HTT: variants seen among roughly 807,000 people sequenced by gnomAD.
HTT encodes huntingtin.
A neutral mutation model predicts 362.3 loss-of-function variants in HTT; 104 were observed. The ratio of observed to expected loss-of-function variants is 0.29; its 90% CI spans 0.24 to 0.34. The LOEUF (loss-of-function observed/expected upper bound fraction) is 0.34. Ranked by LOEUF, HTT falls within the 10% of genes least tolerant of loss-of-function variation. HTT has a pLI of 1.00. For synonymous variants in HTT, 1,577 were observed against 1,548.7 expected, an observed-to-expected ratio of 1.02 and a Z score of -0.43; for missense variants, 3,301 against 3,928.6, an observed-to-expected ratio of 0.84 and a Z score of 4.27.
At chr4:3,120,169 TATA>T (rs1483837562) in intron 8 of HTT, among the ~76,000 whole-genome samples, 2 of 152,110 alleles carry the variant, frequency 1.3e-5, no homozygotes, top group Non-Finnish European at 2.9e-5. Context: ...ACATGTATTT[TATA>T]ATATTAAAGA....
intron 14 of HTT, 113 bp from the exon 15 acceptor site, chr4:3,131,173 C>A: frequency 1.3e-6 from 1 of 788,592 alleles, no homozygotes; most frequent in Non-Finnish European, 2.2e-6. Context: ...CAGGGCATCT[C>A]TTTATCCCCA....
At chr4:3,204,835 T>C (rs1578586393) in intron 42 of HTT, among the ~76,000 whole-genome samples, 2 of 151,856 alleles carry the variant, frequency 1.3e-5, no homozygotes, top group Non-Finnish European at 2.9e-5. Flanking sequence ...AAAGAAAAAT[T>C]AGCCTGGCGT....
intron 41 of HTT, among the ~76,000 whole-genome samples, chr4:3,203,636 C>G (rs928771501): frequency 3.9e-5 from 6 of 152,196 alleles, no homozygotes; most frequent in African/African-American, 1.4e-4. Flanking sequence ...TTCATTCTGG[C>G]AGTTGGCAAC....
At chr4:3,230,873 A>G (rs1721217008) in intron 60 of HTT, among the ~76,000 whole-genome samples, 1 of 152,202 alleles carries the variant, frequency 6.6e-6, no homozygotes, top group African/African-American at 2.4e-5. Context: ...GTGTCAGTGT[A>G]GGAGTTTCAG....
chr4:3,228,656 C>G lies in HTT; in HGVS notation c.7890C>G (p.Pro2630=). 6.2e-7 allele frequency: 1 copy of G among 1,607,896 alleles called. No individual in the cohort carries two copies. The highest frequency in any genetic ancestry group is 2.2e-5 in the East Asian group (1 of 44,838). ...HSVWLGNSIT[P]LREEEWDEEE... ...TGTGGCTGGGGAACAGCATCACACCCCTGAGGGAGGAGGAATGGGACGAGG... is the reference window on the plus strand; with the variant it reads ...TGTGGCTGGGGAACAGCATCACACCGCTGAGGGAGGAGGAATGGGACGAGG... Residue 2630 remains proline (P), a synonymous_variant, in exon 58 of 67, where the codon CCC becomes CCG. Coordinates refer to ENST00000355072, the MANE Select transcript of HTT (RefSeq NM_001388492.1). This position sits in a 1 kb window ranked among gnomAD's most constrained non-coding sequence, Gnocchi z 4.3.
intron 29 of HTT, 43 bp downstream of exon 29, chr4:3,160,435 T>C: frequency 7.9e-7 from 1 of 1,269,546 alleles, no homozygotes. Flanking sequence ...GCTGGCACAC[T>C]TGATGTGCGT....
chr4:3,222,333 C>A, intron 53 of HTT, 54 bp from the exon 54 acceptor site: 1 of 1,496,198 alleles, frequency 6.7e-7, no homozygotes, highest in South Asian at 1.1e-5. Context: ...GTCAGCTCTC[C>A]GTTACAGGCT....
At position 3,116,209 on chromosome 4, in the gene HTT, C is replaced by CG; in HGVS notation, c.1016dup (p.Val340SerfsTer20). ...AGGACACAAGCCTGAAAGGCAGCTT[C>CG]GGAGTGACAAGGAAAGAAATGGAAG... On this transcript the variant is annotated frameshift_variant, in exon 8 of 67. Transcript: ENST00000355072. LOFTEE classifies it high-confidence loss of function. The CG allele has an allele frequency of 6.2e-7, 1 of 1,613,978 alleles. No homozygotes were observed. The highest frequency in any genetic ancestry group is 8.5e-7 in the Non-Finnish European group (1 of 1,179,868).
intron 1 of HTT, among the ~76,000 whole-genome samples, chr4:3,080,118 G>A (rs1712812052): frequency 6.8e-6 from 1 of 146,314 alleles, no homozygotes; most frequent in African/African-American, 2.5e-5. Flanking sequence ...TTTTGAAACG[G>A]AGTTTCGCTC....
chr4:3,240,017 G>C lies in HTT; in HGVS notation c.9387G>C (p.Leu3129=). Residue 3129 remains leucine (L), a synonymous_variant, in exon 67 of 67, where the codon CTG becomes CTC. Transcript: ENST00000355072. ...CCCCAGGAAGCCCATATCACCGGCT[G>C]CTGACTTGTTTACGAAATGTCCACA... ...VAAPGSPYHR[L]LTCLRNVHKV... is the part of the protein sequence containing the mutation. The C allele has an allele frequency of 6.2e-7, 1 of 1,601,028 alleles. No homozygotes were observed. Among genetic ancestry groups the C allele is most frequent in the Non-Finnish European group, 8.5e-7 (1 of 1,173,414 alleles).
chr4:3,094,831 C>T (rs1481555866), intron 2 of HTT, among the ~76,000 whole-genome samples: 5 of 150,792 alleles, frequency 3.3e-5, no homozygotes, highest in Non-Finnish European at 7.4e-5. Flanking sequence ...GTCAGAGACG[C>T]TCCTCACCTC....
chr4:3,110,826 AG>A (rs914857200), intron 6 of HTT, among the ~76,000 whole-genome samples: 10 of 151,982 alleles, frequency 6.6e-5, no homozygotes, highest in African/African-American at 9.7e-5. Context: ...ACATCCCTTC[AG>A]TTCTGGGAAA....
chr4:3,209,010 A>G, intron 46 of HTT, 99 bp downstream of exon 46: 1 of 1,325,988 alleles, frequency 7.5e-7, no homozygotes, highest in Middle Eastern at 2.3e-4. Flanking sequence ...CGTGGACCCA[A>G]GGAGTTCTGG....
chr4:3,229,652 C>T (rs1464465596), intron 59 of HTT, among the ~76,000 whole-genome samples: 1 of 152,044 alleles, frequency 6.6e-6, no homozygotes, highest in African/African-American at 2.4e-5. Context: ...CGCACACACA[C>T]ACCACATACG....
intron 11 of HTT, 126 bp from the exon 12 acceptor site, chr4:3,127,138 T>A: frequency 1.5e-6 from 1 of 688,598 alleles, no homozygotes; most frequent in Non-Finnish European, 2.6e-6. Context: ...CATTTCAGCA[T>A]CTTCAGGATG....
At chr4:3,135,790 G>A in intron 19 of HTT, 114 bp from the exon 20 acceptor site, 1 of 638,096 alleles carries the variant, frequency 1.6e-6, no homozygotes, top group Non-Finnish European at 2.6e-6. Flanking sequence ...TTTTGAGTAA[G>A]TGCTGCCCAA....
chr4:3,079,198 T>C (rs1712751597), intron 1 of HTT, among the ~76,000 whole-genome samples: 1 of 150,922 alleles, frequency 6.6e-6, no homozygotes, highest in African/African-American at 2.4e-5. Flanking sequence ...ACCTGGCCAG[T>C]GTTGATATTT....
In HTT at chr4:3,242,690, C is replaced by G. The variant is rs920889106; in HGVS notation, c.*2631C>G. On this transcript the variant is annotated 3_prime_UTR_variant, in exon 67 of 67. Coordinates refer to ENST00000355072, the MANE Select transcript of HTT (RefSeq NM_001388492.1). ...CTGTGGCAAGCACCCATCGTATTAT[C>G]CAAATTTTGTTGCAAATGTGATTAA... 1 of 152,174 alleles carries G rather than the reference C, an allele frequency of 6.6e-6. No individual in the cohort carries two copies. Among genetic ancestry groups the G allele is most frequent in the South Asian group, 2.1e-4 (1 of 4,828 alleles). 9.4% of individuals were successfully genotyped at this position (152,174 alleles called of 1,614,324 possible).
chr4:3,185,619 T>A (rs976978108), intron 37 of HTT, among the ~76,000 whole-genome samples: 3 of 152,172 alleles, frequency 2.0e-5, no homozygotes, highest in Admixed American at 2.0e-4. Context: ...TTTGCATGAT[T>A]AAAAATGTTC....
Sources: allele counts gnomAD v4.1 joint callset (sites outside exome capture counted in the v4.1 genomes callset), GRCh38; gene constraint gnomAD v4.1.1; non-coding constraint Gnocchi (gnomAD v3.1); transcripts MANE v1.5; gene names NCBI Gene and HGNC (gene_info 2026-07-23, HGNC 2026-07-21).